The following SMO variants were observed in gnomAD, a reference collection of about 807,000 sequenced individuals.
SMO encodes smoothened, frizzled class receptor, also known as protein smoothened.
In SMO, 40 loss-of-function variants were observed where a neutral mutation model predicts 81.6. The observed-to-expected ratio is 0.49, with a 90% CI of 0.38 to 0.64. The LOEUF (loss-of-function observed/expected upper bound fraction) is 0.64. Ranked by LOEUF, SMO falls within the 30% of genes least tolerant of loss-of-function variation. The pLI is 0.00. For synonymous variants in SMO, 434 were observed against 432.1 expected (o/e 1.00, Z -0.05); for missense variants, 916 against 1,061.1 (o/e 0.86, Z 1.90).
intron 1 of SMO, among the ~76,000 whole-genome samples, chr7:129,193,715 C>T (rs1348283610): frequency 1.5e-5 from 2 of 131,010 alleles, no homozygotes; most frequent in African/African-American, 3.0e-5. Flanking sequence ...GCCGAGATCA[C>T]GCCACTGCAC....
intron 1 of SMO, among the ~76,000 whole-genome samples, chr7:129,193,776 AAAAAAAAAAATATATAT>A: frequency 1.1e-5 from 1 of 93,184 alleles, no homozygotes; most frequent in South Asian, 3.7e-4. Context: ...AAAAAAAAAA[AAAAAAAAAAATATATAT>A]ATATATATAT....
intron 1 of SMO, among the ~76,000 whole-genome samples, chr7:129,190,530 G>A (rs1393240926): frequency 6.6e-6 from 1 of 152,242 alleles, no homozygotes; most frequent in Admixed American, 6.5e-5. Context: ...TGACAGGGCT[G>A]GGGTACCCCA....
intron 3 of SMO, 34 bp downstream of exon 3, chr7:129,205,446 C>T (rs2150648669): frequency 6.3e-7 from 1 of 1,590,512 alleles, no homozygotes; most frequent in Admixed American, 1.7e-5. Flanking sequence ...GGGGGGCCCT[C>T]AGCCTGGAAC....
chr7:129,206,066 T>C lies in SMO; in HGVS notation c.921-84T>C, dbSNP rs2075779. ...CTGGGAACCTCCAGACCTCAGCAGC[T>C]GAGGGTCTGGGCACAGGGTGGGGAG... On this transcript the variant is annotated intron_variant, in intron 4 of 11. Coordinates refer to ENST00000249373, the MANE Select transcript of SMO (RefSeq NM_005631.5). This position sits in a 1 kb window ranked among gnomAD's most constrained non-coding sequence, Gnocchi z 4.4. 963,303 of 1,173,788 alleles carry C rather than the reference T, an allele frequency of 0.82. 397,008 individuals are homozygous for C. The highest frequency in any genetic ancestry group is 0.88 in the Middle Eastern group (4,288 of 4,872). 72.7% of individuals were successfully genotyped at this position (1,173,788 alleles called of 1,614,324 possible). A position where few individuals can be genotyped will look rare whatever the true frequency, so the allele number is the denominator to read the frequency against.
At position 129,189,270 on chromosome 7, in the gene SMO, G is replaced by A; in HGVS notation, c.119G>A (p.Gly40Glu). Reference sequence around the variant, plus strand: ...TCGAGCGGGAACGCGACCGGGCCTGGGCCTCGGAGCGCGGGCGGGAGCGCG... The same window carrying A: ...TCGAGCGGGAACGCGACCGGGCCTGAGCCTCGGAGCGCGGGCGGGAGCGCG... ...AASSGNATGP[G>E]PRSAGGSARR... Residue 40 changes from glycine to glutamate, a missense_variant, in exon 1 of 12, where the codon GGG becomes GAG. Coordinates refer to ENST00000249373, the MANE Select transcript of SMO (RefSeq NM_005631.5). This position sits in a 1 kb window ranked among gnomAD's most constrained non-coding sequence, Gnocchi z 4.7. The A allele has an allele frequency of 3.6e-6, 5 of 1,379,172 alleles. No individual in the cohort carries two copies. The highest frequency in any genetic ancestry group is 4.7e-6 in the Non-Finnish European group (5 of 1,075,094). The allele number at this position is 1,379,172 out of a possible 1,614,324, so 85.4% of individuals were successfully genotyped here. A position where few individuals can be genotyped will look rare whatever the true frequency, so the allele number is the denominator to read the frequency against.
In SMO at chr7:129,206,402, T is replaced by TG. The variant is rs56171429; in HGVS notation, c.1140+37dup. 386 of 1,614,022 alleles carry TG rather than the reference T, an allele frequency of 2.4e-4. 1 individual carries two copies. The African/African-American group carries it at 4.1e-3, about 17-fold the overall frequency. ...GACTGGTAGGAACGGGAGACCTGGA[T>TG]GGGGTGAGTTTGAGGGAGGGGGCCA... On this transcript the variant is annotated intron_variant, in intron 5 of 11. Transcript: ENST00000249373. The surrounding 1 kb of genome is among the most constrained non-coding windows in gnomAD (Gnocchi z 4.4).
rs1369656559 is a variant in SMO at position 129,212,122 on chromosome 7, A to C, written c.2035A>C (p.Lys679Gln). The part of the protein sequence containing the change: ...LGRKKKRRKR[K>Q]KEVCPLAPPP... Reference sequence around the variant, plus strand: ...CCGGAAGAAGAAGAGGAGGAAGAGGAAGAAGGAGGTGTGCCCGCTGGCGCC... The same window carrying C: ...CCGGAAGAAGAAGAGGAGGAAGAGGCAGAAGGAGGTGTGCCCGCTGGCGCC... Residue 679 changes from lysine to glutamine, a missense_variant, in exon 12 of 12, where the codon AAG becomes CAG. By Grantham distance (53) the Lys-to-Gln change is moderately conservative. This residue lies in a region of SMO where 324 missense variants were observed against 312.9 expected (regional missense o/e 1.04). Coordinates refer to ENST00000249373, the MANE Select transcript of SMO (RefSeq NM_005631.5). This position sits in a 1 kb window ranked among gnomAD's most constrained non-coding sequence, Gnocchi z 5.0. 1 of 1,568,020 alleles carries C rather than the reference A, an allele frequency of 6.4e-7. No homozygotes were observed. Among genetic ancestry groups the C allele is most frequent in the African/African-American group, 1.4e-5 (1 of 73,766 alleles).
chr7:129,209,936 A>G, intron 8 of SMO: 1 of 180,852 alleles, frequency 5.5e-6, no homozygotes, highest in Non-Finnish European at 1.2e-5. Flanking sequence ...TGACTGCTTC[A>G]GGCTCTTCCG....
At chr7:129,205,461 G>T (rs1793748699) in intron 3 of SMO, 49 bp downstream of exon 3, 1 of 1,582,544 alleles carries the variant, frequency 6.3e-7, no homozygotes, top group Non-Finnish European at 8.7e-7. Flanking sequence ...TGGAACGTGG[G>T]AAGAGAGCCA....
At chr7:129,203,241 T>TGCACTGTTGAGAA in intron 1 of SMO, 143 bp from the exon 2 acceptor site, 1 of 644,076 alleles carries the variant, frequency 1.6e-6, no homozygotes. Context: ...CCTGCCCAGA[T>TGCACTGTTGAGAA]GCACTGTTGA....
At chr7:129,209,470 C>G in intron 8 of SMO, 73 bp downstream of exon 8, 1 of 957,200 alleles carries the variant, frequency 1.0e-6, no homozygotes, top group Non-Finnish European at 1.7e-6. Flanking sequence ...CCTCCACCCA[C>G]CGGGCAGCAG....
chr7:129,189,223 G>A lies in SMO; in HGVS notation c.72G>A (p.Gly24=). ...GGCTGCTGCTGCTGCTGCTGCTGGG[G>A]GACCCGGGCCGGGGGGCGGCCTCGA... is the stretch of plus-strand genomic sequence containing the variant. ...LLGLLLLLLL[G]DPGRGAASSG... is the part of the protein sequence containing the mutation. Residue 24 remains glycine, a synonymous_variant, in exon 1 of 12, where the codon GGG becomes GGA. Transcript: ENST00000249373. This position sits in a 1 kb window ranked among gnomAD's most constrained non-coding sequence, Gnocchi z 4.7. 1 of 1,176,374 alleles carries A rather than the reference G, an allele frequency of 8.5e-7. No individual in the cohort carries two copies. Among genetic ancestry groups the A allele is most frequent in the Non-Finnish European group, 1.1e-6 (1 of 939,422 alleles). The allele number at this position is 1,176,374 out of a possible 1,614,324, so 72.9% of individuals were successfully genotyped here.
rs953858277 is a variant in SMO at position 129,208,527 on chromosome 7, C to T, written c.1265-232C>T. 1.3e-5 allele frequency among the ~76,000 whole-genome samples: 2 copies of T among 152,106 alleles called. No homozygotes were observed. Among genetic ancestry groups the T allele is most frequent in the Non-Finnish European group, 2.9e-5 (2 of 68,000 alleles). On this transcript the variant is annotated intron_variant, in intron 6 of 11. Coordinates refer to ENST00000249373, the MANE Select transcript of SMO (RefSeq NM_005631.5). This position sits in a 1 kb window ranked among gnomAD's most constrained non-coding sequence, Gnocchi z 5.2. ...CAGAACAGCTTTGATCTGCCCCCTT[C>T]TTCAGGGGCAGCTGGGCCACGACCG...
chr7:129,197,508 A>G (rs1584656522), intron 1 of SMO, among the ~76,000 whole-genome samples: 1 of 152,058 alleles, frequency 6.6e-6, no homozygotes, highest in Non-Finnish European at 1.5e-5. Flanking sequence ...GCTCACTGCA[A>G]CCTCTGCCTC....
In SMO at chr7:129,210,416, G is replaced by T; in HGVS notation, c.1520G>T (p.Cys507Phe). Residue 507 changes from cysteine (C) to phenylalanine (F), a missense_variant, in exon 9 of 12, where the codon TGT becomes TTT. Cys to Phe is a radical substitution (Grantham distance 205, BLOSUM62 -2). This residue lies in a region of SMO where 436 missense variants were observed against 570.9 expected (regional missense o/e 0.76). Transcript: ENST00000249373. This position sits in a 1 kb window ranked among gnomAD's most constrained non-coding sequence, Gnocchi z 4.7. ...CCCACCAAGCAGCCCATCCCTGACT[G>T]TGAGATCAAGAATCGCCCGAGCCTT... is the stretch of plus-strand genomic sequence containing the variant. Reference protein sequence around the residue: ...GLPTKQPIPDCEIKNRPSLLV... With the variant: ...GLPTKQPIPDFEIKNRPSLLV... The T allele has an allele frequency of 1.2e-6, 2 of 1,614,220 alleles. No homozygotes were observed.
At position 129,194,208 on chromosome 7, in the gene SMO, TA is replaced by T. The variant is rs1256645143; in HGVS notation, c.331+4735del. ...AACATACATGGACCTAAGTCTTTTTTAAAAAAAAATTATCTTTAATTAATTA... is the reference window on the plus strand; with the variant it reads ...AACATACATGGACCTAAGTCTTTTTTAAAAAAAATTATCTTTAATTAATTA... On this transcript the variant is annotated intron_variant, in intron 1 of 11. Transcript: ENST00000249373. Among the ~76,000 whole-genome samples, 13 of 151,506 alleles carry T rather than the reference TA, an allele frequency of 8.6e-5. No individual in the cohort carries two copies. In the East Asian group the frequency reaches 1.7e-3, roughly 20 times the overall value.
At chr7:129,209,637 T>C (rs1460814794) in intron 8 of SMO, 1 of 493,170 alleles carries the variant, frequency 2.0e-6, no homozygotes, top group Non-Finnish European at 3.7e-6. Context: ...GCCCAGCTGG[T>C]GCATGTGTGA....
At position 129,189,785 on chromosome 7, in the gene SMO, A is replaced by T. The variant is rs1793456779; in HGVS notation, c.331+303A>T. Among the ~76,000 whole-genome samples, 1 of 152,100 alleles carries T rather than the reference A, an allele frequency of 6.6e-6. No individual in the cohort carries two copies. The highest frequency in any genetic ancestry group is 2.1e-4 in the South Asian group (1 of 4,824). On this transcript the variant is annotated intron_variant, in intron 1 of 11. Transcript: ENST00000249373. The surrounding 1 kb of genome is among the most constrained non-coding windows in gnomAD (Gnocchi z 4.7). ...GTGGCTCTAAGCCACGGGAAAAGAC[A>T]TTTTGTAAGAAGAGGAGATGCTCCA...
At chr7:129,197,046 G>C (rs551800572) in intron 1 of SMO, among the ~76,000 whole-genome samples, 7 of 148,180 alleles carry the variant, frequency 4.7e-5, no homozygotes, top group African/African-American at 1.7e-4. Flanking sequence ...AAATAAAATT[G>C]ATGCCTTTAA....
Sources: gnomAD v4.1 joint callset for allele counts (sites outside exome capture counted in the v4.1 genomes callset) on GRCh38, gnomAD v4.1.1 for gene constraint, gnomAD v4.1.1 regional missense constraint, Gnocchi (gnomAD v3.1) non-coding constraint, MANE v1.5 for transcripts, NCBI Gene and HGNC (gene_info 2026-07-23, HGNC 2026-07-21) for gene names.